MOCS1: variants seen among roughly 807,000 people sequenced by gnomAD.
MOCS1 encodes the protein molybdenum cofactor synthesis 1.
In MOCS1, 39 loss-of-function variants were observed where a neutral mutation model predicts 57.6. The ratio of observed to expected loss-of-function variants is 0.68; its 90% confidence interval spans 0.52 to 0.88. MOCS1 has a LOEUF of 0.88. Among genes scored for constraint, MOCS1 ranks in the 40% least tolerant of loss-of-function variants. The pLI is 0.00. For missense variants in MOCS1, 795 were observed against 831.1 expected (o/e 0.96, Z 0.53); for synonymous variants, 334 against 335.7 (o/e 1.00, Z 0.05).
chr6:39,914,109 A>T (rs2984657), intron 4 of MOCS1, among the ~76,000 whole-genome samples: 78,905 of 152,158 alleles, frequency 0.52, 20,960 homozygotes, highest in Middle Eastern at 0.6. Context: ...CAATAATGCG[A>T]TTCTTTTTGC....
Position 39,934,311 on chromosome 6 carries a change from G to T in MOCS1, c.107C>A (p.Ala36Glu). Residue 36 changes from alanine to glutamate, a missense_variant, in exon 1 of 11, where the codon GCG becomes GAG. Transcript: ENST00000340692. Reference sequence around the variant, plus strand: ...TGGGCTCACCTCCGAGGCAGCTCGCGCGGACTCCCCGGGGCAGGGCTGGGT... The same window carrying T: ...TGGGCTCACCTCCGAGGCAGCTCGCTCGGACTCCCCGGGGCAGGGCTGGGT... ...PVTQPCPGES[A>E]RAASEEVSRR... is the part of the protein sequence containing the mutation. 1.3e-6 allele frequency: 2 copies of T among 1,546,928 alleles called. No homozygotes were observed.
At chr6:39,929,064 G>C (rs1768499795) in intron 1 of MOCS1, among the ~76,000 whole-genome samples, 1 of 152,180 alleles carries the variant, frequency 6.6e-6, no homozygotes, top group African/African-American at 2.4e-5. Context: ...GAGCCACTGA[G>C]TGGCTCAAAG....
chr6:39,917,074 T>C (rs1046891016), intron 3 of MOCS1, among the ~76,000 whole-genome samples: 1 of 152,202 alleles, frequency 6.6e-6, no homozygotes, highest in Admixed American at 6.5e-5. Flanking sequence ...AAAGCACCAG[T>C]GCAGACACTT....
intron 1 of MOCS1, among the ~76,000 whole-genome samples, chr6:39,931,797 A>G (rs994623620): frequency 6.7e-6 from 1 of 149,458 alleles, no homozygotes; most frequent in African/African-American, 2.5e-5. Context: ...GCCTAGACTC[A>G]CCCTCCCTGC....
Position 39,912,943 on chromosome 6 carries a change from C to T in MOCS1, c.819G>A (p.Gln273=), listed in dbSNP as rs1767423513. The T allele has an allele frequency of 1.2e-6, 2 of 1,614,192 alleles. No individual in the cohort carries two copies. The highest frequency in any genetic ancestry group is 1.7e-6 in the Non-Finnish European group (2 of 1,180,034). ...GCACCTTCTCCAGCTCTGGCCACTG[C>T]TGCCGGACAGTGTCTAGCATCTCCT... The part of the protein sequence containing the change: ...SYKEMLDTVR[Q]QWPELEKVPE... The change falls in exon 7 of 11, where the codon CAG becomes CAA. Residue 273 remains glutamine, a synonymous_variant. Coordinates refer to ENST00000340692, the MANE Select transcript of MOCS1 (RefSeq NM_001358530.2).
At chr6:39,927,099 T>A (rs1457282428) in intron 2 of MOCS1, 1 of 543,106 alleles carries the variant, frequency 1.8e-6, no homozygotes, top group Non-Finnish European at 3.3e-6. Flanking sequence ...ACTGCATTTA[T>A]GTTTTCAAAT....
chr6:39,927,529 GC>G (rs1768397716), intron 1 of MOCS1, 74 bp from the exon 2 acceptor site: 2 of 1,611,194 alleles, frequency 1.2e-6, no homozygotes, highest in Middle Eastern at 1.7e-4. Flanking sequence ...AGAACCGCCT[GC>G]CCCCTCCCTT....
At chr6:39,913,477 T>C in intron 5 of MOCS1, 49 bp from the exon 6 acceptor site, 1 of 1,536,860 alleles carries the variant, frequency 6.5e-7, no homozygotes, top group East Asian at 2.3e-5. Context: ...CTGCATTCTT[T>C]TGTGGAGATG....
chr6:39,906,444 G>A lies in MOCS1; in HGVS notation c.1824C>T (p.Cys608=). The A allele has an allele frequency of 1.2e-6, 2 of 1,611,094 alleles. No individual in the cohort carries two copies. Among genetic ancestry groups the A allele is most frequent in the East Asian group, 2.2e-5 (1 of 44,770 alleles). ...ACACGATGTCCCTGCTGACAGCCTT[G>A]CACATGTCATACAGGGTGAGGGCGG... ...AVAALTLYDM[C]KAVSRDIVLE... Residue 608 remains cysteine (C), a synonymous_variant, in exon 11 of 11, where the codon TGC becomes TGT. Transcript: ENST00000340692.
intron 3 of MOCS1, among the ~76,000 whole-genome samples, chr6:39,917,686 G>A (rs1218393624): frequency 2.0e-5 from 3 of 152,166 alleles, no homozygotes; most frequent in African/African-American, 7.2e-5. Flanking sequence ...AAGAATGAAA[G>A]GAGGAGGAGA....
In MOCS1 at chr6:39,906,483, G is replaced by A; in HGVS notation, c.1785C>T (p.Thr595=). 4.3e-6 allele frequency: 7 copies of A among 1,614,174 alleles called. No homozygotes were observed. The highest frequency in any genetic ancestry group is 1.1e-5 in the South Asian group (1 of 91,084). ...GGGTGAGGGCGGCCACTGCAGCAGA[G>A]GTCAGGGCCTCCATCTCCACCCCGG... is the stretch of plus-strand genomic sequence containing the variant. The part of the protein sequence containing the change: ...GPTGVEMEAL[T]SAAVAALTLY... The change falls in exon 11 of 11, where the codon ACC becomes ACT. Residue 595 remains threonine (T), a synonymous_variant. Transcript: ENST00000340692.
At position 39,914,289 on chromosome 6, in the gene MOCS1, C is replaced by A. The variant is rs967351788; in HGVS notation, c.584-454G>T. On this transcript the variant is annotated intron_variant, in intron 4 of 10. Transcript: ENST00000340692. The stretch of plus-strand genomic sequence containing the variant: ...ATGCTGACCCTGGATCTAGTTGAAC[C>A]CTCTTGTAGTCTACGGGAGGAAACC... Among the ~76,000 whole-genome samples, 4 of 152,158 alleles carry A rather than the reference C, an allele frequency of 2.6e-5. No homozygotes were observed. The East Asian group carries it at 7.7e-4, about 29-fold the overall frequency.
At position 39,916,800 on chromosome 6, in the gene MOCS1, T is replaced by A. The variant is rs1767683304; in HGVS notation, c.419-568A>T. ...GCCGTAGATAGCCCAGAAAGGTAAA[T>A]TAGTACTGAAAGAGAGAAAGCAGAT... On this transcript the variant is annotated intron_variant, in intron 3 of 10. Transcript: ENST00000340692. Among the ~76,000 whole-genome samples the A allele has an allele frequency of 2.0e-5, 3 of 152,022 alleles. No homozygotes were observed. In the South Asian group the frequency reaches 6.2e-4, roughly 32 times the overall value.
At chr6:39,917,023 T>C (rs1195982394) in intron 3 of MOCS1, among the ~76,000 whole-genome samples, 1 of 152,224 alleles carries the variant, frequency 6.6e-6, no homozygotes, top group Non-Finnish European at 1.5e-5. Flanking sequence ...CATCCTTCCC[T>C]GTCGGCACGG....
In MOCS1 at chr6:39,906,185, G is replaced by T; in HGVS notation, c.*172C>A. On this transcript the variant is annotated 3_prime_UTR_variant, in exon 11 of 11. Transcript: ENST00000340692. ...AGAAAGGAAGCCCCATTGGTCATTA[G>T]AGATCATCTAGCAGCAGGCCTGTTT... The T allele has an allele frequency of 1.2e-6, 1 of 851,922 alleles. No homozygotes were observed. The highest frequency in any genetic ancestry group is 2.0e-6 in the Non-Finnish European group (1 of 502,918). 52.8% of individuals were successfully genotyped at this position (851,922 alleles called of 1,614,324 possible).
chr6:39,922,553 C>T (rs1338387481), intron 3 of MOCS1, among the ~76,000 whole-genome samples: 3 of 152,118 alleles, frequency 2.0e-5, no homozygotes, highest in African/African-American at 4.8e-5. Flanking sequence ...GCCAAACCCG[C>T]CATAACTTTT....
At chr6:39,930,422 C>A (rs915544148) in intron 1 of MOCS1, among the ~76,000 whole-genome samples, 1 of 152,206 alleles carries the variant, frequency 6.6e-6, no homozygotes, top group Admixed American at 6.5e-5. Context: ...CTGCCTGATT[C>A]AGTATCCCCA....
At chr6:39,916,271 G>A (rs377587436) in intron 3 of MOCS1, 39 bp from the exon 4 acceptor site, 1 of 1,610,750 alleles carries the variant, frequency 6.2e-7, no homozygotes, top group African/African-American at 1.3e-5. Context: ...CTGCTTGCTT[G>A]TTCTTGGTGA....
intron 9 of MOCS1, 145 bp downstream of exon 9, chr6:39,909,690 C>A: frequency 9.0e-7 from 1 of 1,107,608 alleles, no homozygotes; most frequent in South Asian, 1.3e-5. Context: ...GGGCCAACAG[C>A]AGTGAGTGGT....
Sources: gnomAD v4.1 joint callset for allele counts (sites outside exome capture counted in the v4.1 genomes callset) on GRCh38, gnomAD v4.1.1 for gene constraint, MANE v1.5 for transcripts, NCBI Gene and HGNC (gene_info 2026-07-23, HGNC 2026-07-21) for gene names.